The following FGF13 variants were observed in gnomAD, a reference collection of about 807,000 sequenced individuals.
FGF13 encodes the protein fibroblast growth factor homologous factor 2.
In FGF13, 2 loss-of-function variants were observed where a neutral mutation model predicts 19.5. The observed-to-expected ratio is 0.10, with a 90% CI of 0.04 to 0.32. The LOEUF (loss-of-function observed/expected upper bound fraction) is 0.32, where lower values mean the gene tolerates loss of function less well. FGF13 is among the 10% of genes least tolerant of loss of function. The pLI, the probability that FGF13 is intolerant of heterozygous loss-of-function variation, is 1.00. For synonymous variants in FGF13, 72 were observed against 76.9 expected, an observed-to-expected ratio of 0.94 and a Z score of 0.33; for missense variants, 113 against 192.7, an observed-to-expected ratio of 0.59 and a Z score of 2.45.
In FGF13 at chrX:138,992,468, T is replaced by C. The variant is rs186906811; in HGVS notation, c.-112-127818A>G. Among the ~76,000 whole-genome samples the C allele has an allele frequency of 5.6e-4, 62 of 111,464 alleles. No homozygotes were observed. In the East Asian group the frequency reaches 0.016, roughly 28 times the overall value. ...ATCACCCATATTTTCTTCTAGCATTTCTGTGGTTTCATTTTTACACTTATT... is the reference window on the plus strand; with the variant it reads ...ATCACCCATATTTTCTTCTAGCATTCCTGTGGTTTCATTTTTACACTTATT... On this transcript the variant is annotated intron_variant, in intron 1 of 2. Transcript: ENST00000421460.
At chrX:139,119,357 T>C (rs1342282661) in intron 1 of FGF13, among the ~76,000 whole-genome samples, 2 of 112,423 alleles carry the variant, frequency 1.8e-5, no homozygotes, top group East Asian at 5.6e-4. Context: ...AACATCTTCA[T>C]TTACTGAGTA....
chrX:138,995,188 T>C (rs756594320), intron 1 of FGF13, among the ~76,000 whole-genome samples: 61 of 111,627 alleles, frequency 5.5e-4, no homozygotes, highest in African/African-American at 1.9e-3. Context: ...ACAGCAATTG[T>C]GAAACATTGC....
At chrX:138,760,897 A>T (rs1418600931) in intron 3 of FGF13, among the ~76,000 whole-genome samples, 1 of 112,034 alleles carries the variant, frequency 8.9e-6, no homozygotes, top group African/African-American at 3.2e-5. Flanking sequence ...GAAAGCTACA[A>T]GTGAAAACAA....
chrX:138,842,179 T>G (rs775728160), intron 3 of FGF13, among the ~76,000 whole-genome samples: 1 of 111,617 alleles, frequency 9.0e-6, no homozygotes, highest in African/African-American at 3.3e-5. Context: ...CCTGAGCCCA[T>G]GATATAACTG....
chrX:138,983,297 G>C, intron 1 of FGF13, among the ~76,000 whole-genome samples: 1 of 107,407 alleles, frequency 9.3e-6, no homozygotes, highest in Non-Finnish European at 1.9e-5. Flanking sequence ...GGTGGGAGAC[G>C]GGGTCTAATT....
At chrX:138,915,303 G>A (rs2091612467) in intron 1 of FGF13, among the ~76,000 whole-genome samples, 1 of 111,763 alleles carries the variant, frequency 8.9e-6, no homozygotes, top group African/African-American at 3.3e-5. Flanking sequence ...CCTACTTTAG[G>A]AAGAAGCTGA....
chrX:139,097,798 A>G (rs868369857), intron 1 of FGF13, among the ~76,000 whole-genome samples: 3 of 111,741 alleles, frequency 2.7e-5, no homozygotes, highest in Non-Finnish European at 5.6e-5. Flanking sequence ...TCAGAAAGCA[A>G]GCAATAAAAG....
intron 2 of FGF13, among the ~76,000 whole-genome samples, chrX:138,708,007 C>G (rs1321723504): frequency 9.0e-6 from 1 of 111,109 alleles, no homozygotes; most frequent in Non-Finnish European, 1.9e-5. Flanking sequence ...TTGGAGAAAA[C>G]AAAAAAAATT....
At chrX:139,144,696 C>T (rs150221763) in intron 1 of FGF13, among the ~76,000 whole-genome samples, 2 of 111,127 alleles carry the variant, frequency 1.8e-5, no homozygotes, top group African/African-American at 6.5e-5. Flanking sequence ...TAGCATGTTA[C>T]CAAAGCCTCT....
At chrX:139,112,350 A>G (rs942163756) in intron 1 of FGF13, among the ~76,000 whole-genome samples, 7 of 111,237 alleles carry the variant, frequency 6.3e-5, no homozygotes, top group Non-Finnish European at 1.3e-4. Context: ...ATCATTAACC[A>G]TCAAGTTACC....
intron 1 of FGF13, among the ~76,000 whole-genome samples, chrX:139,047,958 T>TAATA (rs2092292941): frequency 9.0e-6 from 1 of 111,491 alleles, no homozygotes; most frequent in Non-Finnish European, 1.9e-5. Context: ...ACATCAAGAC[T>TAATA]TTCTTCTATC....
intron 3 of FGF13, among the ~76,000 whole-genome samples, chrX:138,801,246 G>T (rs1326991086): frequency 8.9e-6 from 1 of 112,235 alleles, no homozygotes; most frequent in Non-Finnish European, 1.9e-5. Context: ...TGATGTTGAT[G>T]ACCTTCGAAT....
intron 3 of FGF13, among the ~76,000 whole-genome samples, chrX:138,664,959 C>G (rs944729134): frequency 1.8e-5 from 2 of 111,205 alleles, no homozygotes; most frequent in Non-Finnish European, 3.8e-5. Context: ...ATGCACTGAC[C>G]TTAATACTCA....
intron 1 of FGF13, among the ~76,000 whole-genome samples, chrX:138,939,666 C>T (rs1040308456): frequency 6.3e-5 from 7 of 111,341 alleles, no homozygotes; most frequent in Non-Finnish European, 1.1e-4. Context: ...TGAGAACATA[C>T]GTTATTATTT....
Position 139,038,634 on chromosome X carries a change from T to C in FGF13, c.-113+164782A>G, listed in dbSNP as rs767704013. On this transcript the variant is annotated intron_variant, in intron 1 of 2. Coordinates refer to the FGF13 transcript ENST00000421460. ...TATGCTGTTCCCTCTGGCTGAAATG[T>C]TCTTCCAATTGCTAGATTCTTATCA... Among the ~76,000 whole-genome samples the C allele has an allele frequency of 2.7e-5, 3 of 112,123 alleles. No homozygotes were observed. In the South Asian group the frequency reaches 1.1e-3, roughly 42 times the overall value.
intron 3 of FGF13, among the ~76,000 whole-genome samples, chrX:138,822,401 C>A (rs1465067087): frequency 8.9e-6 from 1 of 111,880 alleles, no homozygotes. Flanking sequence ...AGAGAAGGGT[C>A]ATTTCATATG....
chrX:138,660,605 G>T (rs1365647089), intron 3 of FGF13, among the ~76,000 whole-genome samples: 1 of 110,963 alleles, frequency 9.0e-6, no homozygotes, highest in Non-Finnish European at 1.9e-5. Context: ...CCCTTTCTTT[G>T]TGTTACAATC....
At chrX:139,141,438 C>A (rs1267323360) in intron 1 of FGF13, among the ~76,000 whole-genome samples, 1 of 111,980 alleles carries the variant, frequency 8.9e-6, no homozygotes, top group Non-Finnish European at 1.9e-5. Flanking sequence ...GTTTAAAATC[C>A]TTTAATGACT....
chrX:139,088,068 T>A (rs928835220), intron 1 of FGF13, among the ~76,000 whole-genome samples: 2 of 111,565 alleles, frequency 1.8e-5, no homozygotes, highest in Non-Finnish European at 3.8e-5. Flanking sequence ...TTGCAACACA[T>A]CCATGCGGCC....
Sources: gnomAD v4.1 joint callset for allele counts (sites outside exome capture counted in the v4.1 genomes callset) on GRCh38, gnomAD v4.1.1 for gene constraint, MANE v1.5 for transcripts, NCBI Gene and HGNC (gene_info 2026-07-23, HGNC 2026-07-21) for gene names.